CACNA2D1: variants seen among roughly 807,000 people sequenced by gnomAD.
The protein encoded by CACNA2D1 is voltage-dependent calcium channel subunit alpha-2/delta-1.
A neutral mutation model predicts 171.5 loss-of-function variants in CACNA2D1; 53 were observed. The ratio of observed to expected loss-of-function variants is 0.31; its 90% confidence interval spans 0.25 to 0.39. CACNA2D1 has a LOEUF of 0.39. Ranked by LOEUF, CACNA2D1 falls within the 10% of genes least tolerant of loss-of-function variation. The pLI is 1.00. For synonymous variants in CACNA2D1, 442 were observed against 443.1 expected (o/e 1.00, Z 0.03); for missense variants, 903 against 1,299.8 (o/e 0.69, Z 4.69).
Position 81,967,632 on chromosome 7 carries a change from C to G in CACNA2D1, c.2427G>C (p.Trp809Cys). Residue 809 changes from tryptophan to cysteine, a missense_variant, in exon 30 of 39, where the codon TGG becomes TGC. Transcript: ENST00000356860. Reference protein sequence around the residue: ...VVGIKIDVNSWIENFTKTSIR... With the variant: ...VVGIKIDVNSCIENFTKTSIR... ...TTGAGGTTTTGGTGAAATTCTCTAT[C>G]CAGGAATTTACATCAATTTTAATTC... 6.6e-7 allele frequency: 1 copy of G among 1,517,046 alleles called. No individual in the cohort carries two copies. 94.0% of individuals were successfully genotyped at this position (1,517,046 alleles called of 1,614,324 possible). A position where few individuals can be genotyped will look rare whatever the true frequency, so the allele number is the denominator to read the frequency against.
At chr7:81,969,376 G>C (rs1005545923) in intron 28 of CACNA2D1, among the ~76,000 whole-genome samples, 37 of 151,446 alleles carry the variant, frequency 2.4e-4, no homozygotes, top group African/African-American at 8.7e-4. Flanking sequence ...GAAATTCTCT[G>C]AACTTGTTTC....
chr7:82,392,791 A>C (rs1825282531), intron 1 of CACNA2D1, among the ~76,000 whole-genome samples: 1 of 152,150 alleles, frequency 6.6e-6, no homozygotes, highest in African/African-American at 2.4e-5. Context: ...GTCTTTTCCC[A>C]TATCAATACA....
intron 21 of CACNA2D1, among the ~76,000 whole-genome samples, chr7:81,988,476 C>T (rs557441577): frequency 1.3e-5 from 2 of 152,038 alleles, no homozygotes; most frequent in Non-Finnish European, 2.9e-5. Context: ...CCTAGGAATA[C>T]TAAAGGAGAT....
At chr7:82,084,084 C>A (rs866912369) in intron 7 of CACNA2D1, among the ~76,000 whole-genome samples, 2 of 152,242 alleles carry the variant, frequency 1.3e-5, no homozygotes, top group Middle Eastern at 3.4e-3. Context: ...AGACATTTCA[C>A]TTAAAGTGTT....
intron 5 of CACNA2D1, among the ~76,000 whole-genome samples, chr7:82,128,096 G>GTTT (rs537422197): frequency 7.0e-6 from 1 of 142,322 alleles, no homozygotes; most frequent in Non-Finnish European, 1.5e-5. Flanking sequence ...GCTAATTTTA[G>GTTT]TTTTTTTTTT....
At chr7:82,283,510 T>C (rs1563307433) in intron 3 of CACNA2D1, among the ~76,000 whole-genome samples, 1 of 152,190 alleles carries the variant, frequency 6.6e-6, no homozygotes, top group Admixed American at 6.5e-5. Context: ...ACAAGCAATT[T>C]CATATGGAGA....
At chr7:81,978,753 G>GTGTGTGTGTATATATATATA (rs145105210) in intron 24 of CACNA2D1, among the ~76,000 whole-genome samples, 27 of 139,464 alleles carry the variant, frequency 1.9e-4, no homozygotes, top group African/African-American at 7.3e-4. Context: ...TTTAAAAAGT[G>GTGTGTGTGTATATATATATA]TATATATATA....
intron 4 of CACNA2D1, among the ~76,000 whole-genome samples, chr7:82,161,597 T>A (rs1347663782): frequency 6.6e-6 from 1 of 152,046 alleles, no homozygotes; most frequent in Non-Finnish European, 1.5e-5. Flanking sequence ...AGATTACTCC[T>A]GAATTTGAGC....
chr7:82,250,828 T>A (rs2129314617), intron 3 of CACNA2D1, among the ~76,000 whole-genome samples: 1 of 152,296 alleles, frequency 6.6e-6, no homozygotes, highest in South Asian at 2.1e-4. Context: ...TCACATGAAA[T>A]AATTGCTTTC....
At chr7:82,127,165 T>G (rs1408617211) in intron 5 of CACNA2D1, among the ~76,000 whole-genome samples, 10 of 152,240 alleles carry the variant, frequency 6.6e-5, no homozygotes, top group Non-Finnish European at 1.0e-4. Context: ...CTCCTCTTAG[T>G]CCTGATGGCT....
intron 3 of CACNA2D1, among the ~76,000 whole-genome samples, chr7:82,238,884 C>A (rs10275620): frequency 0.095 from 14,457 of 151,974 alleles, 1,204 homozygotes; most frequent in African/African-American, 0.22. Flanking sequence ...ATAAACGGGG[C>A]AATTGGATTC....
At chr7:82,174,511 G>C (rs1410741501) in intron 3 of CACNA2D1, among the ~76,000 whole-genome samples, 2 of 151,914 alleles carry the variant, frequency 1.3e-5, no homozygotes, top group Admixed American at 6.6e-5. Context: ...AGGTTTTAAG[G>C]ACTTACAACT....
chr7:82,272,754 C>T lies in CACNA2D1; in HGVS notation c.294+62381G>A, dbSNP rs76534150. ...TGGTAAACTTATTTCTGAATGTTTC[C>T]GTTTGTTGCTATTATAAATAACATT... On this transcript the variant is annotated intron_variant, in intron 3 of 38. Coordinates refer to ENST00000356860, the MANE Select transcript of CACNA2D1 (RefSeq NM_000722.4). 5.5e-3 allele frequency among the ~76,000 whole-genome samples: 839 copies of T among 152,130 alleles called. 20 individuals are homozygous for T. The East Asian group carries it at 0.09, about 16-fold the overall frequency.
At chr7:82,427,591 T>A (rs1338055489) in intron 1 of CACNA2D1, among the ~76,000 whole-genome samples, 1 of 152,184 alleles carries the variant, frequency 6.6e-6, no homozygotes, top group East Asian at 1.9e-4. Flanking sequence ...CTACATGCAG[T>A]GTTTTACATG....
rs1817829199 is a variant in CACNA2D1 at position 82,335,162 on chromosome 7, A to C, written c.267T>G (p.Leu89=). The part of the protein sequence containing the change: ...VEIAARDIEK[L]LSNRSKALVR... ...CCAGGGCTTTAGATCTGTTGCTCAG[A>C]AGTTTCTCAATATCCCTGGCTGCAA... Residue 89 remains leucine (L), a synonymous_variant, in exon 3 of 39, where the codon CTT becomes CTG. Coordinates refer to ENST00000356860, the MANE Select transcript of CACNA2D1 (RefSeq NM_000722.4). The C allele has an allele frequency of 3.7e-6, 6 of 1,611,086 alleles. No homozygotes were observed. The highest frequency in any genetic ancestry group is 5.1e-6 in the Non-Finnish European group (6 of 1,177,312).
At chr7:82,107,319 C>A (rs901898595) in intron 6 of CACNA2D1, among the ~76,000 whole-genome samples, 9 of 152,052 alleles carry the variant, frequency 5.9e-5, no homozygotes, top group Non-Finnish European at 1.2e-4. Context: ...CAGAAAAAAA[C>A]AGAAATCCAA....
In CACNA2D1 at chr7:82,349,557, A is replaced by T. The variant is rs376032102; in HGVS notation, c.177+11T>A. On this transcript the variant is annotated intron_variant, in intron 2 of 38. Coordinates refer to ENST00000356860, the MANE Select transcript of CACNA2D1 (RefSeq NM_000722.4). ...AAAGATTAAGAAATCTCTTTGGTGG[A>T]TTTTACTCACATCAACAAGCTGATT... The T allele has an allele frequency of 1.7e-5, 28 of 1,606,714 alleles. No homozygotes were observed. The Admixed American group carries it at 3.2e-4, about 18-fold the overall frequency.
intron 3 of CACNA2D1, among the ~76,000 whole-genome samples, chr7:82,229,989 A>G (rs1802755326): frequency 6.6e-6 from 1 of 152,214 alleles, no homozygotes; most frequent in Admixed American, 6.5e-5. Flanking sequence ...AATTCCTGTT[A>G]CACATTTTTA....
At chr7:82,031,501 C>T (rs1465785135) in intron 12 of CACNA2D1, among the ~76,000 whole-genome samples, 1 of 151,864 alleles carries the variant, frequency 6.6e-6, no homozygotes, top group Non-Finnish European at 1.5e-5. Flanking sequence ...CTATTAAAAT[C>T]ACCAGATGCT....
Sources: gnomAD v4.1 joint callset for allele counts (sites outside exome capture counted in the v4.1 genomes callset) on GRCh38, gnomAD v4.1.1 for gene constraint, MANE v1.5 for transcripts, NCBI Gene and HGNC (gene_info 2026-07-23, HGNC 2026-07-21) for gene names.